SSUH2: variants seen among roughly 807,000 people sequenced by gnomAD.
SSUH2 encodes ssu-2 homolog.
A neutral mutation model predicts 55.3 loss-of-function variants in SSUH2; 47 were observed. That is an observed-to-expected ratio of 0.85 (90% CI 0.67 to 1.08). The LOEUF (loss-of-function observed/expected upper bound fraction) is 1.08. Among genes scored for constraint, SSUH2 ranks in the 50% least tolerant of loss-of-function variants. The probability of loss-of-function intolerance (pLI) is 0.00; values close to 1 mark genes in which losing one functional copy is unlikely to be tolerated. For synonymous variants in SSUH2, 212 were observed against 191.5 expected, an observed-to-expected ratio of 1.11 and a Z score of -0.89; for missense variants, 535 against 490.7, an observed-to-expected ratio of 1.09 and a Z score of -0.85.
rs1313826184 is a variant in SSUH2 at position 8,678,805 on chromosome 3, G to C, written c.-901+900C>G. Among the ~76,000 whole-genome samples, 2 of 110,436 alleles carry C rather than the reference G, an allele frequency of 1.8e-5. 1 individual carries two copies. The highest frequency in any genetic ancestry group is 4.1e-5 in the Non-Finnish European group (2 of 48,522). The allele number at this position is 110,436 out of a possible 152,430, so 72.5% of individuals were successfully genotyped here. On this transcript the variant is annotated intron_variant, in intron 2 of 18. Transcript: ENST00000317371. Reference sequence around the variant, plus strand: ...CCCTGCCACTTAGGACCCCATCGCAGGGAGAGGAGGCGGCACTCCCCACGA... The same window carrying C: ...CCCTGCCACTTAGGACCCCATCGCACGGAGAGGAGGCGGCACTCCCCACGA...
intron 5 of SSUH2, among the ~76,000 whole-genome samples, chr3:8,670,173 A>G (rs1366979843): frequency 6.6e-6 from 1 of 152,102 alleles, no homozygotes; most frequent in Non-Finnish European, 1.5e-5. Context: ...AAACGAGGAT[A>G]CAACTGGCCC....
chr3:8,652,547 C>T (rs1248271683), intron 7 of SSUH2, among the ~76,000 whole-genome samples: 3 of 152,180 alleles, frequency 2.0e-5, no homozygotes, highest in African/African-American at 7.2e-5. Context: ...GAAAGCTTTT[C>T]CTGCCTACTT....
chr3:8,666,591 C>T (rs1013303614), intron 5 of SSUH2, among the ~76,000 whole-genome samples: 3 of 152,128 alleles, frequency 2.0e-5, no homozygotes, highest in African/African-American at 4.8e-5. Flanking sequence ...CTCATACCAC[C>T]GCAACAATCA....
At chr3:8,633,894 C>T in intron 3 of SSUH2, 99 bp from the exon 4 acceptor site, 1 of 1,613,964 alleles carries the variant, frequency 6.2e-7, no homozygotes, top group Non-Finnish European at 8.5e-7. Flanking sequence ...GAAACTGAGG[C>T]CACGGTAGTG....
At chr3:8,676,634 T>A (rs555513402) in intron 3 of SSUH2, among the ~76,000 whole-genome samples, 1 of 150,796 alleles carries the variant, frequency 6.6e-6, no homozygotes, top group African/African-American at 2.4e-5. Flanking sequence ...TTATGGGGAG[T>A]CATATCTGCC....
chr3:8,662,099 T>G (rs1158397390), intron 6 of SSUH2, among the ~76,000 whole-genome samples: 3 of 152,228 alleles, frequency 2.0e-5, no homozygotes, highest in Non-Finnish European at 4.4e-5. Flanking sequence ...CAGGTATGTC[T>G]TCATCAGCAG....
intron 4 of SSUH2, among the ~76,000 whole-genome samples, chr3:8,632,483 A>G (rs1698994028): frequency 6.6e-6 from 1 of 152,202 alleles, no homozygotes; most frequent in South Asian, 2.1e-4. Flanking sequence ...CCCTGATATC[A>G]AGATCTTCCT....
rs529624206 is a variant in SSUH2 at position 8,643,147 on chromosome 3, A to G, written c.28+1584T>C. On this transcript the variant is annotated intron_variant, in intron 1 of 11. Transcript: ENST00000544814. ...GGGACCTGATCATTTCGTAGAGTCA[A>G]TATTGACTCCATGTCTACTCTGGGC... Among the ~76,000 whole-genome samples, 95 of 152,310 alleles carry G rather than the reference A, an allele frequency of 6.2e-4. 1 individual carries two copies. The highest frequency in any genetic ancestry group is 2.0e-3 in the Admixed American group (31 of 15,294).
intron 5 of SSUH2, chr3:8,664,026 C>G (rs1703745620): frequency 2.9e-6 from 1 of 339,920 alleles, no homozygotes; most frequent in African/African-American, 2.2e-5. Context: ...ATTTCTCTCC[C>G]GGCCCATGTC....
At chr3:8,667,538 C>A (rs1416507245) in intron 5 of SSUH2, among the ~76,000 whole-genome samples, 1 of 152,216 alleles carries the variant, frequency 6.6e-6, no homozygotes, top group African/African-American at 2.4e-5. Flanking sequence ...TGGAGTCACT[C>A]TGGTTCCAAA....
chr3:8,681,057 C>T (rs1187799421), intron 1 of SSUH2, among the ~76,000 whole-genome samples: 6 of 147,744 alleles, frequency 4.1e-5, no homozygotes, highest in East Asian at 2.0e-4. Flanking sequence ...CCTCTTCCCC[C>T]GCTGGCTCTT....
rs116287104 is a variant in SSUH2 at position 8,662,558 on chromosome 3, G to C, written c.-396+1186C>G. Among the ~76,000 whole-genome samples the C allele has an allele frequency of 2.2e-3, 336 of 152,340 alleles. 1 individual carries two copies. Among genetic ancestry groups the C allele is most frequent in the African/African-American group, 7.5e-3 (313 of 41,570 alleles). On this transcript the variant is annotated intron_variant, in intron 6 of 18. Coordinates refer to the SSUH2 transcript ENST00000317371. ...CAAGTATACAGCGAGTGCTATGTGT[G>C]TTAGCAAAATCAAGGAAGGAATGAA... is the stretch of plus-strand genomic sequence containing the variant.
chr3:8,630,743 G>T, intron 6 of SSUH2, 62 bp downstream of exon 6: 1 of 1,320,488 alleles, frequency 7.6e-7, no homozygotes, highest in Non-Finnish European at 9.8e-7. Context: ...GAAACATGCA[G>T]TGCCTGGAAA....
chr3:8,636,506 T>G (rs1269779626), intron 1 of SSUH2, among the ~76,000 whole-genome samples: 4 of 152,150 alleles, frequency 2.6e-5, no homozygotes, highest in Non-Finnish European at 4.4e-5. Context: ...CCCTAATTCC[T>G]GACCCATAAA....
rs147348981 is a variant in SSUH2 at position 8,663,235 on chromosome 3, A to G, written c.-396+509T>C. ...ACTGAGGTAACTTGCCTCAAGTACT[A>G]AGCTCAGATATAAACCAACATCTCA... On this transcript the variant is annotated intron_variant, in intron 6 of 18. Transcript: ENST00000317371. 9.2e-5 allele frequency among the ~76,000 whole-genome samples: 14 copies of G among 152,360 alleles called. No homozygotes were observed. In the East Asian group the frequency reaches 2.7e-3, roughly 29 times the overall value.
intron 6 of SSUH2, chr3:8,659,852 A>C (rs1343633113): frequency 2.2e-6 from 1 of 453,836 alleles, no homozygotes; most frequent in Non-Finnish European, 4.4e-6. Flanking sequence ...GAACACAGTC[A>C]ATAAATGCTA....
At chr3:8,649,723 C>T (rs574085227), upstream of SSUH2, among the ~76,000 whole-genome samples, 3 of 152,114 alleles carry the variant, frequency 2.0e-5, no homozygotes, top group Non-Finnish European at 4.4e-5. Context: ...CCCCTGCCCC[C>T]CTCACCTGGA....
chr3:8,638,493 A>G (rs1252827339), intron 1 of SSUH2, among the ~76,000 whole-genome samples: 1 of 152,210 alleles, frequency 6.6e-6, no homozygotes, highest in Non-Finnish European at 1.5e-5. Context: ...CCACATTTTG[A>G]CCGGAGTCAG....
chr3:8,656,226 T>C (rs1702923284), intron 7 of SSUH2, among the ~76,000 whole-genome samples: 1 of 152,246 alleles, frequency 6.6e-6, no homozygotes, highest in Non-Finnish European at 1.5e-5. Context: ...TGGCAATATA[T>C]ACTCTCCCTC....
Sources: allele counts gnomAD v4.1 joint callset (sites outside exome capture counted in the v4.1 genomes callset), GRCh38; gene constraint gnomAD v4.1.1; transcripts MANE v1.5; gene names NCBI Gene and HGNC (gene_info 2026-07-23, HGNC 2026-07-21).